RAPGEF5: variants seen among roughly 807,000 people sequenced by gnomAD.
RAPGEF5 encodes M-Ras-regulated GEF.
RAPGEF5 carries 65 observed loss-of-function variants against 125.2 expected under a neutral mutation model. The ratio of observed to expected loss-of-function variants is 0.52; its 90% CI spans 0.43 to 0.64. The LOEUF (loss-of-function observed/expected upper bound fraction) is 0.64, where lower values mean the gene tolerates loss of function less well. Among genes scored for constraint, RAPGEF5 ranks in the 30% least tolerant of loss-of-function variants. The pLI is 0.00. For missense variants in RAPGEF5, 958 were observed against 1,048.1 expected, an observed-to-expected ratio of 0.91 and a Z score of 1.19; for synonymous variants, 391 against 385.9, an observed-to-expected ratio of 1.01 and a Z score of -0.16.
At chr7:22,261,758 C>T (rs1782161120) in intron 7 of RAPGEF5, among the ~76,000 whole-genome samples, 1 of 152,052 alleles carries the variant, frequency 6.6e-6, no homozygotes, top group Admixed American at 6.6e-5. Flanking sequence ...GAAATACTCC[C>T]ATACAAATAC....
intron 7 of RAPGEF5, among the ~76,000 whole-genome samples, chr7:22,231,791 T>C (rs1256509974): frequency 6.6e-6 from 1 of 152,216 alleles, no homozygotes; most frequent in Non-Finnish European, 1.5e-5. Context: ...ATTATGTCCA[T>C]AGCAGGAGAT....
intron 6 of RAPGEF5, among the ~76,000 whole-genome samples, chr7:22,286,887 T>C (rs935732009): frequency 2.6e-5 from 4 of 152,240 alleles, no homozygotes; most frequent in African/African-American, 9.6e-5. Context: ...GGGTGGAAAC[T>C]GATGAGCTGT....
chr7:22,157,683 G>A (rs538395167), intron 15 of RAPGEF5, among the ~76,000 whole-genome samples, 172 bp downstream of exon 15: 3 of 152,346 alleles, frequency 2.0e-5, no homozygotes, highest in African/African-American at 7.2e-5. Context: ...CACCAGCACA[G>A]GGATAACTAA....
intron 12 of RAPGEF5, among the ~76,000 whole-genome samples, chr7:22,166,069 C>CATATATATATATCAT (rs1187444990): frequency 2.1e-5 from 3 of 145,114 alleles, no homozygotes; most frequent in South Asian, 2.1e-4. Context: ...ATATTATATA[C>CATATATATATATCAT]ATATATATGT....
At chr7:22,296,846 T>C (rs908509805) in intron 5 of RAPGEF5, among the ~76,000 whole-genome samples, 1 of 152,150 alleles carries the variant, frequency 6.6e-6, no homozygotes, top group African/African-American at 2.4e-5. Context: ...AGAGATGTTA[T>C]CCCAGGGGCC....
At chr7:22,232,085 A>AT (rs1003050423) in intron 7 of RAPGEF5, among the ~76,000 whole-genome samples, 3 of 152,130 alleles carry the variant, frequency 2.0e-5, no homozygotes, top group African/African-American at 4.8e-5. Context: ...CTGGAGCTAT[A>AT]TTTTTTTAGA....
At chr7:22,219,746 G>GA (rs565323998) in intron 9 of RAPGEF5, 120 bp downstream of exon 9, 5 of 1,349,346 alleles carry the variant, frequency 3.7e-6, no homozygotes, top group South Asian at 1.8e-5. Context: ...CTCTTGGGGG[G>GA]AAAAAAACCC....
At chr7:22,281,657 G>T (rs953528515) in intron 6 of RAPGEF5, among the ~76,000 whole-genome samples, 1 of 152,176 alleles carries the variant, frequency 6.6e-6, no homozygotes. Context: ...ATGTGGTGAG[G>T]AGATACAATG....
intron 9 of RAPGEF5, among the ~76,000 whole-genome samples, chr7:22,216,341 T>G (rs929538152): frequency 1.3e-5 from 2 of 152,188 alleles, no homozygotes; most frequent in Non-Finnish European, 2.9e-5. Context: ...CTGGTAGACT[T>G]TTTTAGCTTA....
intron 9 of RAPGEF5, chr7:22,194,515 T>G (rs1785099392): frequency 1.2e-6 from 1 of 869,202 alleles, no homozygotes; most frequent in Non-Finnish European, 1.4e-6. Flanking sequence ...ATACATATAT[T>G]CATTTACTTT....
chr7:22,284,771 T>C (rs899974032), intron 6 of RAPGEF5, among the ~76,000 whole-genome samples: 1 of 152,186 alleles, frequency 6.6e-6, no homozygotes, highest in African/African-American at 2.4e-5. Flanking sequence ...CTACACTCCA[T>C]TTCTGCATTC....
intron 6 of RAPGEF5, among the ~76,000 whole-genome samples, chr7:22,284,091 G>A (rs562853024): frequency 1.3e-5 from 2 of 150,446 alleles, no homozygotes; most frequent in African/African-American, 5.0e-5. Context: ...GTGTGTGTGC[G>A]CGTGCATGTG....
chr7:22,352,958 A>T (rs934157735), intron 1 of RAPGEF5, among the ~76,000 whole-genome samples: 2 of 152,238 alleles, frequency 1.3e-5, no homozygotes, highest in Non-Finnish European at 2.9e-5. Context: ...AAGTGACACT[A>T]CCTAAACTCA....
intron 11 of RAPGEF5, among the ~76,000 whole-genome samples, chr7:22,185,718 T>G (rs903930350): frequency 5.3e-5 from 8 of 152,210 alleles, no homozygotes; most frequent in African/African-American, 1.7e-4. Context: ...CTTTGCTTTA[T>G]CTGGAAAAAC....
chr7:22,144,743 C>T (rs941630468), intron 20 of RAPGEF5, among the ~76,000 whole-genome samples: 2 of 152,150 alleles, frequency 1.3e-5, no homozygotes, highest in African/African-American at 4.8e-5. Flanking sequence ...CCTCCTGTAG[C>T]TCACCCAGAC....
chr7:22,152,535 T>C (rs907806795), intron 17 of RAPGEF5, among the ~76,000 whole-genome samples: 1 of 152,180 alleles, frequency 6.6e-6, no homozygotes, highest in East Asian at 1.9e-4. Flanking sequence ...AATAACTGGG[T>C]AGTTTATTGT....
intron 11 of RAPGEF5, among the ~76,000 whole-genome samples, chr7:22,176,028 G>A (rs907404247): frequency 6.6e-6 from 1 of 152,038 alleles, no homozygotes; most frequent in East Asian, 1.9e-4. Flanking sequence ...AATCTATAAA[G>A]GAAAGACGTT....
At chr7:22,302,582 TC>T (rs1783235010) in intron 5 of RAPGEF5, among the ~76,000 whole-genome samples, 1 of 152,026 alleles carries the variant, frequency 6.6e-6, no homozygotes, top group South Asian at 2.1e-4. Flanking sequence ...CAGGAGAGCC[TC>T]CCCTGTCCTC....
intron 1 of RAPGEF5, among the ~76,000 whole-genome samples, chr7:22,347,691 G>A (rs1784249565): frequency 6.6e-6 from 1 of 152,106 alleles, no homozygotes; most frequent in African/African-American, 2.4e-5. Context: ...TTCTCTTATT[G>A]GGTGATCTTA....
Sources: gnomAD v4.1 joint callset for allele counts (sites outside exome capture counted in the v4.1 genomes callset) on GRCh38, gnomAD v4.1.1 for gene constraint, MANE v1.5 for transcripts, NCBI Gene and HGNC (gene_info 2026-07-23, HGNC 2026-07-21) for gene names.